Variants in RAB3GAP1 observed in about 807,000 individuals in gnomAD.
RAB3GAP1 encodes rab3 GTPase-activating protein catalytic subunit.
A neutral mutation model predicts 130.7 loss-of-function variants in RAB3GAP1; 86 were observed. The ratio of observed to expected loss-of-function variants is 0.66; its 90% confidence interval spans 0.55 to 0.79. RAB3GAP1 has a LOEUF of 0.79. Among genes scored for constraint, RAB3GAP1 ranks in the 30% least tolerant of loss-of-function variants. RAB3GAP1 has a pLI of 0.00. For synonymous variants in RAB3GAP1, 367 were observed against 401.7 expected (o/e 0.91, Z 1.03); for missense variants, 1,029 against 1,169.4 (o/e 0.88, Z 1.75).
chr2:135,123,523 T>C (rs1691261651), intron 8 of RAB3GAP1, among the ~76,000 whole-genome samples: 1 of 152,190 alleles, frequency 6.6e-6, no homozygotes, highest in Non-Finnish European at 1.5e-5. Flanking sequence ...TAATTAAATA[T>C]CACAATTTGT....
chr2:135,130,819 A>T, intron 13 of RAB3GAP1, 98 bp downstream of exon 13: 1 of 1,125,138 alleles, frequency 8.9e-7, no homozygotes, highest in Non-Finnish European at 1.3e-6. Context: ...CTTGGAATAT[A>T]CAATGAGTAA....
chr2:135,078,672 C>CCCCTG (rs1689697871), intron 3 of RAB3GAP1, among the ~76,000 whole-genome samples: 1 of 52,656 alleles, frequency 1.9e-5, no homozygotes, highest in Non-Finnish European at 3.3e-5. Flanking sequence ...CCCCTCCCCT[C>CCCCTG]CCCTCCCCTC....
intron 3 of RAB3GAP1, chr2:135,058,297 ATATG>A: frequency 5.8e-6 from 3 of 515,058 alleles, no homozygotes; most frequent in Non-Finnish European, 1.0e-5. Context: ...AAAGTTATAT[ATATG>A]TGTGTGTGTA....
rs1268568228 is a variant in RAB3GAP1, at chr2:135,115,348, A to T, written c.615A>T (p.Leu205Phe). Residue 205 changes from leucine to phenylalanine, a missense_variant, in exon 7 of 24, where the codon TTA becomes TTT. Coordinates refer to ENST00000264158, the MANE Select transcript of RAB3GAP1 (RefSeq NM_012233.3). ...LRKVPNQYTH[L>F]SGLLDIFKSK... is the part of the protein sequence containing the mutation. ...AAGTGCCAAATCAGTACACTCACTT[A>T]TCAGGTCTGCTGGATATCTTCAAAT... 6.2e-7 allele frequency: 1 copy of T among 1,613,704 alleles called. No individual in the cohort carries two copies. The highest frequency in any genetic ancestry group is 1.3e-5 in the African/African-American group (1 of 75,056).
rs770180077 is a variant in RAB3GAP1 at position 135,058,100 on chromosome 2, G to T, written c.150+14G>T. 2.6e-5 allele frequency: 42 copies of T among 1,592,526 alleles called. No individual in the cohort carries two copies. Among genetic ancestry groups the T allele is most frequent in the Non-Finnish European group, 3.5e-5 (41 of 1,160,582 alleles). ...CCACTCGAAAAGGTCAGATCTATTT[G>T]CTGGTGTCTCTAAATGACTATTTAC... On this transcript the variant is annotated intron_variant, in intron 3 of 23. Transcript: ENST00000264158.
intron 7 of RAB3GAP1, among the ~76,000 whole-genome samples, chr2:135,119,681 A>T (rs186200240): frequency 6.6e-6 from 1 of 152,224 alleles, no homozygotes; most frequent in Admixed American, 6.5e-5. Flanking sequence ...GTGTTCTTAA[A>T]GCTACTAGTG....
At chr2:135,154,171 A>G (rs1047182416) in intron 19 of RAB3GAP1, among the ~76,000 whole-genome samples, 3 of 152,194 alleles carry the variant, frequency 2.0e-5, no homozygotes, top group African/African-American at 7.2e-5. Context: ...TATCACCAAA[A>G]CATTTTTTAA....
chr2:135,108,276 A>G (rs529275690), intron 5 of RAB3GAP1, among the ~76,000 whole-genome samples: 2 of 152,202 alleles, frequency 1.3e-5, no homozygotes, highest in African/African-American at 4.8e-5. Context: ...AAGAAGTGCA[A>G]TTGTGACATT....
At chr2:135,151,916 C>T (rs897284629) in intron 18 of RAB3GAP1, among the ~76,000 whole-genome samples, 5 of 152,190 alleles carry the variant, frequency 3.3e-5, no homozygotes, top group African/African-American at 1.2e-4. Flanking sequence ...TGGAAACATA[C>T]TACTCCTTCT....
chr2:135,130,108 A>T, intron 12 of RAB3GAP1, 21 bp downstream of exon 12: 1 of 1,551,530 alleles, frequency 6.4e-7, no homozygotes, highest in Non-Finnish European at 8.9e-7. Flanking sequence ...TTTTTTTTTA[A>T]CATTACTTTC....
At chr2:135,150,547 A>C in intron 18 of RAB3GAP1, 41 bp downstream of exon 18, 1 of 1,612,108 alleles carries the variant, frequency 6.2e-7, no homozygotes, top group Non-Finnish European at 8.5e-7. Flanking sequence ...ATTTTGAGCT[A>C]TTCTGGGATG....
intron 4 of RAB3GAP1, among the ~76,000 whole-genome samples, chr2:135,091,438 T>TACAG (rs1558771210): frequency 1.3e-5 from 2 of 152,142 alleles, no homozygotes; most frequent in Non-Finnish European, 2.9e-5. Flanking sequence ...CATCCTGAAG[T>TACAG]ACAGACAAAA....
At position 135,090,991 on chromosome 2, in the gene RAB3GAP1, C is replaced by G; in HGVS notation, c.151-7C>G. The G allele has an allele frequency of 6.2e-7, 1 of 1,610,266 alleles. No individual in the cohort carries two copies. The highest frequency in any genetic ancestry group is 8.5e-7 in the Non-Finnish European group (1 of 1,176,936). On this transcript the variant is annotated splice_polypyrimidine_tract_variant and splice_region_variant and intron_variant, in intron 3 of 23. Transcript: ENST00000264158. Reference sequence around the variant, plus strand: ...TAAATATTTTGCCATTTTATTGGTACATATAGGGTATATTTACTTCTGGCA... The same window carrying G: ...TAAATATTTTGCCATTTTATTGGTAGATATAGGGTATATTTACTTCTGGCA...
intron 3 of RAB3GAP1, among the ~76,000 whole-genome samples, chr2:135,085,458 T>C (rs1574095467): frequency 6.6e-6 from 1 of 152,284 alleles, no homozygotes; most frequent in Middle Eastern, 3.4e-3. Flanking sequence ...TGGAAGGCTA[T>C]TAAAACAGTC....
chr2:135,127,676 C>A (rs1335298219), intron 11 of RAB3GAP1, among the ~76,000 whole-genome samples: 1 of 152,078 alleles, frequency 6.6e-6, no homozygotes. Context: ...CGCTTTAGAG[C>A]CCTTCTATAG....
chr2:135,088,688 C>CAAAAAA (rs1162700077), intron 3 of RAB3GAP1, among the ~76,000 whole-genome samples: 9 of 55,520 alleles, frequency 1.6e-4, no homozygotes, highest in African/African-American at 4.7e-4. Flanking sequence ...GACTCCATCT[C>CAAAAAA]AAAAAAAAAA....
rs550601266 is a variant in RAB3GAP1 at position 135,083,631 on chromosome 2, T to A, written c.151-7367T>A. Reference sequence around the variant, plus strand: ...CATGTACCAACACATTAAAAAAAAATTTTTTTTTTTTTTCGGTTAGGGATG... The same window carrying A: ...CATGTACCAACACATTAAAAAAAAAATTTTTTTTTTTTTCGGTTAGGGATG... On this transcript the variant is annotated intron_variant, in intron 3 of 23. Coordinates refer to ENST00000264158, the MANE Select transcript of RAB3GAP1 (RefSeq NM_012233.3). Among the ~76,000 whole-genome samples the A allele has an allele frequency of 1.1e-3, 152 of 141,700 alleles. 1 individual carries two copies. The highest frequency in any genetic ancestry group is 5.2e-3 in the East Asian group (26 of 4,996). The allele number at this position is 141,700 out of a possible 152,430, so 93.0% of individuals were successfully genotyped here. A position where few individuals can be genotyped will look rare whatever the true frequency, so the allele number is the denominator to read the frequency against.
Position 135,164,709 on chromosome 2 carries a change from C to T in RAB3GAP1, c.2709+13C>T. 1.3e-6 allele frequency: 2 copies of T among 1,570,762 alleles called. No individual in the cohort carries two copies. The highest frequency in any genetic ancestry group is 1.7e-6 in the Non-Finnish European group (2 of 1,143,000). On this transcript the variant is annotated intron_variant, in intron 23 of 23. Transcript: ENST00000264158. ...GAATGCCCAGAGGGTATGTGAGAGTCATTATTGACTCCATCATAATCTCTC... is the reference window on the plus strand; with the variant it reads ...GAATGCCCAGAGGGTATGTGAGAGTTATTATTGACTCCATCATAATCTCTC...
intron 3 of RAB3GAP1, among the ~76,000 whole-genome samples, chr2:135,088,706 AAAG>A: frequency 6.6e-6 from 1 of 150,960 alleles, no homozygotes; most frequent in South Asian, 2.1e-4. Context: ...AAAAAAAAAA[AAAG>A]AAAGAAAAGA....
Sources: gnomAD v4.1 joint callset for allele counts (sites outside exome capture counted in the v4.1 genomes callset) on GRCh38, gnomAD v4.1.1 for gene constraint, MANE v1.5 for transcripts, NCBI Gene and HGNC (gene_info 2026-07-23, HGNC 2026-07-21) for gene names.